The following PRDM16 variants were observed in gnomAD, a reference collection of about 807,000 sequenced individuals.
PRDM16 encodes the protein histone-lysine N-methyltransferase PRDM16.
A neutral mutation model predicts 110.6 loss-of-function variants in PRDM16; 23 were observed. The ratio of observed to expected loss-of-function variants is 0.21; its 90% confidence interval spans 0.15 to 0.29. The LOEUF (loss-of-function observed/expected upper bound fraction) is 0.29, where lower values mean the gene tolerates loss of function less well. Among genes scored for constraint, PRDM16 ranks in the 10% least tolerant of loss-of-function variants. The pLI, the probability that PRDM16 is intolerant of heterozygous loss-of-function variation, is 1.00. For missense variants in PRDM16, 1,615 were observed against 1,794.3 expected, an observed-to-expected ratio of 0.90 and a Z score of 1.81; for synonymous variants, 799 against 781.8, an observed-to-expected ratio of 1.02 and a Z score of -0.37.
rs146225732 is a variant in PRDM16 at position 3,382,223 on chromosome 1, C to G, written c.439-2929C>G. On this transcript the variant is annotated intron_variant, in intron 3 of 16. Transcript: ENST00000270722. The surrounding 1 kb of genome is among the most constrained non-coding windows in gnomAD (Gnocchi z 6.6). Reference sequence around the variant, plus strand: ...GATGGGAAGCCTGCCTCCCTAGTGACAACCAGCCGCTTGTGGCCTCCTCCC... The same window carrying G: ...GATGGGAAGCCTGCCTCCCTAGTGAGAACCAGCCGCTTGTGGCCTCCTCCC... Among the ~76,000 whole-genome samples the G allele has an allele frequency of 9.2e-5, 14 of 152,352 alleles. No individual in the cohort carries two copies. The East Asian group carries it at 2.5e-3, about 27-fold the overall frequency.
In PRDM16 at chr1:3,245,469, T is replaced by G. The variant is rs1385296933; in HGVS notation, c.438+1332T>G. On this transcript the variant is annotated intron_variant, in intron 3 of 16. Transcript: ENST00000270722. This position sits in a 1 kb window ranked among gnomAD's most constrained non-coding sequence, Gnocchi z 4.7. ...GAGAAAGCATGGCAATGGAGACTTT[T>G]GCTGGGCCCGCAGTGACCCGCTGAA... Among the ~76,000 whole-genome samples, 1 of 152,202 alleles carries G rather than the reference T, an allele frequency of 6.6e-6. No homozygotes were observed. Among genetic ancestry groups the G allele is most frequent in the Non-Finnish European group, 1.5e-5 (1 of 68,034 alleles).
chr1:3,408,680 G>C (rs1338653019), intron 8 of PRDM16, among the ~76,000 whole-genome samples: 1 of 149,824 alleles, frequency 6.7e-6, no homozygotes, highest in Non-Finnish European at 1.5e-5. Context: ...GTGAGTGTGA[G>C]CACGTGAGCC....
At chr1:3,341,107 C>T (rs564758718) in intron 3 of PRDM16, among the ~76,000 whole-genome samples, 1 of 149,698 alleles carries the variant, frequency 6.7e-6, no homozygotes, top group East Asian at 1.9e-4. Context: ...CGTTTCTCCC[C>T]CTCTGAGCCC....
chr1:3,143,364 C>T lies in PRDM16; in HGVS notation c.38-42761C>T, dbSNP rs1232133670. Among the ~76,000 whole-genome samples, 3 of 152,184 alleles carry T rather than the reference C, an allele frequency of 2.0e-5. No individual in the cohort carries two copies. The highest frequency in any genetic ancestry group is 7.2e-5 in the African/African-American group (3 of 41,432). On this transcript the variant is annotated intron_variant, in intron 1 of 16. Transcript: ENST00000270722. This position sits in a 1 kb window ranked among gnomAD's most constrained non-coding sequence, Gnocchi z 4.5. Reference sequence around the variant, plus strand: ...GCAGTAGGGCTCCAAGCACCAGCCCCTCGCCCCAGTCCCAGCAGGTGGCCT... The same window carrying T: ...GCAGTAGGGCTCCAAGCACCAGCCCTTCGCCCCAGTCCCAGCAGGTGGCCT...
rs1638951260 is a variant in PRDM16 at position 3,437,909 on chromosome 1, T to A, written c.*4098T>A. ...TGAGCCCTGGTGTCAGAGTCGTAAT[T>A]TAAAGCGTGTGTGTATATGGACTTT... is the stretch of plus-strand genomic sequence containing the variant. On this transcript the variant is annotated 3_prime_UTR_variant, in exon 17 of 17. Coordinates refer to ENST00000270722, the MANE Select transcript of PRDM16 (RefSeq NM_022114.4). The A allele has an allele frequency of 4.5e-6, 1 of 220,680 alleles. No individual in the cohort carries two copies. The highest frequency in any genetic ancestry group is 1.8e-4 in the South Asian group (1 of 5,418). The allele number at this position is 220,680 out of a possible 1,614,324, so 13.7% of individuals were successfully genotyped here. A position where few individuals can be genotyped will look rare whatever the true frequency, so the allele number is the denominator to read the frequency against.
chr1:3,217,310 G>A (rs769431994), intron 2 of PRDM16, among the ~76,000 whole-genome samples: 28 of 152,218 alleles, frequency 1.8e-4, no homozygotes, highest in Non-Finnish European at 3.8e-4. Flanking sequence ...AGCAGTGGGC[G>A]CACGGCAGCT....
intron 1 of PRDM16, among the ~76,000 whole-genome samples, chr1:3,131,361 C>T (rs748979822): frequency 1.2e-4 from 18 of 152,128 alleles, no homozygotes; most frequent in Non-Finnish European, 1.6e-4. Context: ...GGGGACTGGA[C>T]GCTTTATAAC....
At chr1:3,182,742 G>A (rs570629984) in intron 1 of PRDM16, among the ~76,000 whole-genome samples, 63 of 152,264 alleles carry the variant, frequency 4.1e-4, no homozygotes, top group Admixed American at 1.6e-3. Context: ...ATCAAATGAC[G>A]ATCGCTCATA....
chr1:3,258,841 G>A (rs946166211), intron 3 of PRDM16, among the ~76,000 whole-genome samples: 9 of 152,230 alleles, frequency 5.9e-5, no homozygotes, highest in African/African-American at 2.2e-4. Flanking sequence ...CTCGAGCCAG[G>A]CCAGGGCTTT....
chr1:3,399,478 C>T (rs1643433853), intron 5 of PRDM16, among the ~76,000 whole-genome samples: 1 of 152,142 alleles, frequency 6.6e-6, no homozygotes, highest in South Asian at 2.1e-4. Context: ...AGCCGGGAGA[C>T]CTGTCCATAC....
At chr1:3,375,669 C>A (rs1405023785) in intron 3 of PRDM16, among the ~76,000 whole-genome samples, 1 of 152,242 alleles carries the variant, frequency 6.6e-6, no homozygotes, top group Non-Finnish European at 1.5e-5. Flanking sequence ...AAGGCCCGGG[C>A]TTGTGTGGCC....
At chr1:3,354,879 G>A (rs1424555898) in intron 3 of PRDM16, among the ~76,000 whole-genome samples, 1 of 152,144 alleles carries the variant, frequency 6.6e-6, no homozygotes. Context: ...TTCCCAGGCA[G>A]AAGAGGCAGG....
intron 1 of PRDM16, among the ~76,000 whole-genome samples, chr1:3,149,516 A>C (rs1174346384): frequency 6.6e-6 from 1 of 152,168 alleles, no homozygotes; most frequent in Non-Finnish European, 1.5e-5. Context: ...ACAAGGGTGC[A>C]TACCTGTGTA....
intron 1 of PRDM16, among the ~76,000 whole-genome samples, chr1:3,085,623 G>T (rs1055021637): frequency 6.6e-6 from 1 of 152,232 alleles, no homozygotes; most frequent in Non-Finnish European, 1.5e-5. Flanking sequence ...ATCCATCCTC[G>T]TGGGGCTGTG....
chr1:3,330,245 A>C (rs939308081), intron 3 of PRDM16, among the ~76,000 whole-genome samples: 2 of 152,246 alleles, frequency 1.3e-5, no homozygotes, highest in African/African-American at 4.8e-5. Context: ...AACACTTCTG[A>C]GAGCTCAGCA....
At position 3,390,416 on chromosome 1, in the gene PRDM16, G is replaced by A. The variant is rs1643278696; in HGVS notation, c.573+5130G>A. On this transcript the variant is annotated intron_variant, in intron 4 of 16. Coordinates refer to ENST00000270722, the MANE Select transcript of PRDM16 (RefSeq NM_022114.4). The surrounding 1 kb of genome is among the most constrained non-coding windows in gnomAD (Gnocchi z 5.0). ...CTGTAGCACCCCTGGATTGAGAGAAGCAGCCCCAATCTGCATAGCGCCCTG... is the reference window on the plus strand; with the variant it reads ...CTGTAGCACCCCTGGATTGAGAGAAACAGCCCCAATCTGCATAGCGCCCTG... Among the ~76,000 whole-genome samples, 1 of 152,164 alleles carries A rather than the reference G, an allele frequency of 6.6e-6. No homozygotes were observed. Among genetic ancestry groups the A allele is most frequent in the Admixed American group, 6.5e-5 (1 of 15,284 alleles).
chr1:3,307,263 T>C (rs1393704449), intron 3 of PRDM16: 2 of 152,224 alleles, frequency 1.3e-5, no homozygotes. Flanking sequence ...CTATTTTCCA[T>C]AGTGGCTGCA....
At chr1:3,348,538 G>A (rs1642410777) in intron 3 of PRDM16, among the ~76,000 whole-genome samples, 1 of 152,256 alleles carries the variant, frequency 6.6e-6, no homozygotes, top group South Asian at 2.1e-4. Context: ...GAATGGGCAG[G>A]GACAGTGGGG....
chr1:3,286,306 G>C lies in PRDM16; in HGVS notation c.438+42169G>C, dbSNP rs115076428. Among the ~76,000 whole-genome samples the C allele has an allele frequency of 6.2e-3, 939 of 152,346 alleles. 14 individuals are homozygous for C. The highest frequency in any genetic ancestry group is 0.021 in the African/African-American group (881 of 41,576). On this transcript the variant is annotated intron_variant, in intron 3 of 16. Transcript: ENST00000270722. ...TGGTCAGTGTTTGCGGACCAAGGGG[G>C]GCCGCAACTGCAGTTAACCCTTCAG... is the stretch of plus-strand genomic sequence containing the variant.
Sources: gnomAD v4.1 joint callset for allele counts (sites outside exome capture counted in the v4.1 genomes callset) on GRCh38, gnomAD v4.1.1 for gene constraint, Gnocchi (gnomAD v3.1) non-coding constraint, MANE v1.5 for transcripts, NCBI Gene and HGNC (gene_info 2026-07-23, HGNC 2026-07-21) for gene names.